The following SCN11A variants were observed in gnomAD, a reference collection of about 807,000 sequenced individuals.
SCN11A encodes sodium voltage-gated channel alpha subunit 11, also known as sodium channel protein type 11 subunit alpha.
SCN11A carries 122 observed loss-of-function variants against 162.2 expected under a neutral mutation model. The ratio of observed to expected loss-of-function variants is 0.75; its 90% CI spans 0.65 to 0.87. SCN11A has a LOEUF of 0.87. Ranked by LOEUF, SCN11A falls within the 40% of genes least tolerant of loss-of-function variation. The pLI is 0.00. For missense variants in SCN11A, 2,015 were observed against 2,181.6 expected, an observed-to-expected ratio of 0.92 and a Z score of 1.52; for synonymous variants, 758 against 751.5, an observed-to-expected ratio of 1.01 and a Z score of -0.14.
Position 38,871,661 on chromosome 3 carries a change from A to G in SCN11A, c.3543T>C (p.Val1181=). 1 of 1,612,838 alleles carries G rather than the reference A, an allele frequency of 6.2e-7. No homozygotes were observed. Among genetic ancestry groups the G allele is most frequent in the Non-Finnish European group, 8.5e-7 (1 of 1,179,322 alleles). The change falls in exon 25 of 30, where the codon GTT becomes GTC. Residue 1181 remains valine, a synonymous_variant. Coordinates refer to ENST00000302328, the MANE Select transcript of SCN11A (RefSeq NM_001349253.2). ...LIGAIPAILN[V]LLVCLIFWLV... The stretch of plus-strand genomic sequence containing the variant: ...GCCAGAAAATGAGGCAGACAAGCAA[A>G]ACATTCAGAATGGCAGGTATGGCAC...
chr3:38,851,660 A>C (rs1166437735), intron 28 of SCN11A, among the ~76,000 whole-genome samples: 1 of 152,242 alleles, frequency 6.6e-6, no homozygotes, highest in Non-Finnish European at 1.5e-5. Context: ...GTTGCTTTAC[A>C]ATCTGTGTAC....
At chr3:38,978,657 T>A (rs2066863905) in intron 2 of SCN11A, among the ~76,000 whole-genome samples, 1 of 151,770 alleles carries the variant, frequency 6.6e-6, no homozygotes, top group Admixed American at 6.6e-5. Flanking sequence ...AAAAAAAAAA[T>A]TAATAACTCT....
intron 2 of SCN11A, among the ~76,000 whole-genome samples, chr3:38,988,979 G>C (rs946303232): frequency 6.6e-6 from 1 of 152,198 alleles, no homozygotes; most frequent in Non-Finnish European, 1.5e-5. Context: ...GCACCACTGA[G>C]AGGTGGGGAT....
In SCN11A at chr3:38,953,639, G is replaced by A. The variant is rs369784304; in HGVS notation, c.-18C>T. ...AGGGATGGTCCTTACCGAGATTCCT[G>A]GCTTGAGCAGATGAGAGGACAGTGT... On this transcript the variant is annotated 5_prime_UTR_variant, in exon 4 of 30. Coordinates refer to ENST00000302328, the MANE Select transcript of SCN11A (RefSeq NM_001349253.2). Among the ~76,000 whole-genome samples the A allele has an allele frequency of 1.2e-3, 179 of 152,212 alleles. 9 individuals carry two copies. The South Asian group carries it at 0.037, about 31-fold the overall frequency.
intron 2 of SCN11A, among the ~76,000 whole-genome samples, chr3:38,997,597 CA>C (rs1337950036): frequency 1.3e-5 from 2 of 152,216 alleles, no homozygotes; most frequent in Non-Finnish European, 2.9e-5. Flanking sequence ...ATGTTAGCTA[CA>C]CAAGGGCAAG....
chr3:39,019,236 G>T (rs1330506675), intron 2 of SCN11A, among the ~76,000 whole-genome samples: 2 of 151,820 alleles, frequency 1.3e-5, no homozygotes, highest in Non-Finnish European at 2.9e-5. Context: ...CAGTTTTTTT[G>T]CATGTCCGAT....
chr3:38,991,757 C>G (rs2030460584), intron 2 of SCN11A, among the ~76,000 whole-genome samples: 1 of 152,076 alleles, frequency 6.6e-6, no homozygotes. Flanking sequence ...CCTGCTGGGT[C>G]CTGGTAAGCA....
chr3:38,868,622 G>T (rs151030138), intron 26 of SCN11A, among the ~76,000 whole-genome samples: 195 of 152,272 alleles, frequency 1.3e-3, no homozygotes, highest in African/African-American at 4.2e-3. Context: ...TTGTTCATAG[G>T]AAATGTAGGA....
At chr3:38,989,852 G>A (rs1036218685) in intron 2 of SCN11A, among the ~76,000 whole-genome samples, 14 of 149,914 alleles carry the variant, frequency 9.3e-5, no homozygotes, top group South Asian at 4.2e-4. Context: ...CCGTTCCCCC[G>A]TCCACCCCAC....
chr3:38,866,513 C>A (rs370413943), intron 27 of SCN11A, among the ~76,000 whole-genome samples: 3 of 152,218 alleles, frequency 2.0e-5, no homozygotes, highest in East Asian at 3.8e-4. Flanking sequence ...AGCCACCACG[C>A]CCTGCCAGAG....
intron 2 of SCN11A, among the ~76,000 whole-genome samples, chr3:38,990,110 T>C (rs1050632865): frequency 3.9e-5 from 6 of 152,206 alleles, no homozygotes; most frequent in Admixed American, 3.9e-4. Context: ...GTGCAGAGCA[T>C]TGCTGCCCTT....
chr3:38,970,645 C>G lies in SCN11A; in HGVS notation c.-279-10222G>C, dbSNP rs1297249082. On this transcript the variant is annotated intron_variant, in intron 2 of 29. Coordinates refer to ENST00000302328, the MANE Select transcript of SCN11A (RefSeq NM_001349253.2). ...GAGAGTCAGACCCTCAGGGTCCCTG[C>G]TTAGCTCACTCTCCTGGATCATCTG... Among the ~76,000 whole-genome samples the G allele has an allele frequency of 1.3e-5, 2 of 152,198 alleles. 1 individual carries two copies. Among genetic ancestry groups the G allele is most frequent in the Non-Finnish European group, 2.9e-5 (2 of 68,042 alleles).
chr3:38,902,155 C>T (rs1332779076), intron 16 of SCN11A, among the ~76,000 whole-genome samples: 1 of 152,158 alleles, frequency 6.6e-6, no homozygotes, highest in Non-Finnish European at 1.5e-5. Flanking sequence ...CCAGGAGGTG[C>T]TAAAAGGTGG....
chr3:38,986,500 T>C lies in SCN11A; in HGVS notation c.-279-26077A>G, dbSNP rs373755471. On this transcript the variant is annotated intron_variant, in intron 2 of 29. Transcript: ENST00000302328. ...GCCCACCAGGCTTTATGAACGGTGA[T>C]GCAGTGAGGTGACCACAAGAAAGAA... Among the ~76,000 whole-genome samples the C allele has an allele frequency of 2.0e-5, 3 of 152,272 alleles. No homozygotes were observed. The East Asian group carries it at 5.8e-4, about 29-fold the overall frequency.
At chr3:38,894,382 C>T (rs772635345) in intron 19 of SCN11A, 151 bp downstream of exon 19, 115 of 679,946 alleles carry the variant, frequency 1.7e-4, no homozygotes, top group Middle Eastern at 7.3e-4. Flanking sequence ...AATAAAGAAC[C>T]TGTCCTGAGA....
At chr3:38,986,367 G>C (rs2125592344) in intron 2 of SCN11A, among the ~76,000 whole-genome samples, 1 of 152,252 alleles carries the variant, frequency 6.6e-6, no homozygotes, top group East Asian at 1.9e-4. Flanking sequence ...ATGGATCAAA[G>C]GGAATGATTC....
chr3:38,860,328 G>A (rs145877099), intron 28 of SCN11A, among the ~76,000 whole-genome samples: 41 of 152,012 alleles, frequency 2.7e-4, no homozygotes, highest in African/African-American at 9.2e-4. Flanking sequence ...CTAGGCAGGG[G>A]GCAAGGGTGG....
chr3:38,968,292 G>A (rs2066795310), intron 2 of SCN11A, among the ~76,000 whole-genome samples: 1 of 152,142 alleles, frequency 6.6e-6, no homozygotes, highest in South Asian at 2.1e-4. Context: ...AAATTCCTAG[G>A]GAAGGGACTG....
intron 2 of SCN11A, among the ~76,000 whole-genome samples, chr3:38,966,544 C>A (rs919204185): frequency 3.9e-5 from 6 of 152,086 alleles, no homozygotes; most frequent in Admixed American, 2.0e-4. Flanking sequence ...GTGTAGCAAC[C>A]AAGTCAGGGT....
Sources: gnomAD v4.1 joint callset for allele counts (sites outside exome capture counted in the v4.1 genomes callset) on GRCh38, gnomAD v4.1.1 for gene constraint, MANE v1.5 for transcripts, NCBI Gene and HGNC (gene_info 2026-07-23, HGNC 2026-07-21) for gene names.